TENM1: variants seen among roughly 807,000 people sequenced by gnomAD.
TENM1 encodes teneurin transmembrane protein 1, also known as teneurin-1.
A neutral mutation model predicts 174.8 loss-of-function variants in TENM1; 35 were observed. That is an observed-to-expected ratio of 0.20 (90% CI 0.15 to 0.27). The LOEUF is 0.27. TENM1 is among the 10% of genes least tolerant of loss of function. TENM1 has a pLI of 1.00. For synonymous variants in TENM1, 781 were observed against 798.7 expected, an observed-to-expected ratio of 0.98 and a Z score of 0.37; for missense variants, 1,633 against 2,130.1, an observed-to-expected ratio of 0.77 and a Z score of 4.59.
chrX:125,161,253 C>T, the TENM1 span, among the ~76,000 whole-genome samples: 2 of 111,303 alleles, frequency 1.8e-5, no homozygotes, highest in Non-Finnish European at 3.8e-5. Flanking sequence ...TACACACATC[C>T]TCTGGTACAC....
chrX:125,017,002 G>A, the TENM1 span, among the ~76,000 whole-genome samples: 1 of 111,972 alleles, frequency 8.9e-6, no homozygotes, highest in African/African-American at 3.2e-5. Flanking sequence ...GGGAAAACTG[G>A]CTAGCCATAG....
intron 3 of TENM1, among the ~76,000 whole-genome samples, chrX:124,877,616 T>C (rs2057228875): frequency 9.0e-6 from 1 of 111,701 alleles, no homozygotes; most frequent in Non-Finnish European, 1.9e-5. Flanking sequence ...GTGCATTCAA[T>C]ATTACATGCA....
chrX:124,464,498 T>C (rs773624565), intron 22 of TENM1, among the ~76,000 whole-genome samples: 37 of 112,247 alleles, frequency 3.3e-4, no homozygotes, highest in Non-Finnish European at 6.0e-4. Flanking sequence ...AAATTCTCCC[T>C]GCATCCGTAT....
chrX:124,705,449 T>C (rs2052877721), intron 4 of TENM1, among the ~76,000 whole-genome samples, 198 bp from the exon 8 acceptor site: 1 of 111,609 alleles, frequency 9.0e-6, no homozygotes, highest in Non-Finnish European at 1.9e-5. Flanking sequence ...TCTTTTTTTT[T>C]CTTTTTTCAT....
chrX:124,526,712 C>A (rs183585907), intron 16 of TENM1, among the ~76,000 whole-genome samples: 3 of 112,223 alleles, frequency 2.7e-5, no homozygotes, highest in African/African-American at 9.7e-5. Context: ...ATAAGTCCAA[C>A]CAGTCCTATC....
At chrX:124,876,016 C>T (rs2057193824) in intron 3 of TENM1, among the ~76,000 whole-genome samples, 1 of 109,242 alleles carries the variant, frequency 9.2e-6, no homozygotes, top group Admixed American at 9.9e-5. Context: ...TGATGCATGA[C>T]AGACAGTATA....
chrX:124,579,547 C>A lies in TENM1; in HGVS notation c.2078-13987G>T, dbSNP rs913631537. On this transcript the variant is annotated intron_variant, in intron 11 of 31. Transcript: ENST00000422452. ...GCTCCAAGGCAGGGATGACCTTCTC[C>A]TCTTCTATACTATTATAGAGTTTTG... is the stretch of plus-strand genomic sequence containing the variant. Among the ~76,000 whole-genome samples, 3 of 111,971 alleles carry A rather than the reference C, an allele frequency of 2.7e-5. 1 individual carries two copies. The highest frequency in any genetic ancestry group is 8.3e-3 in the Middle Eastern group (2 of 240).
chrX:124,499,237 A>C (rs1482731716), intron 19 of TENM1, among the ~76,000 whole-genome samples: 2 of 111,193 alleles, frequency 1.8e-5, no homozygotes, highest in Non-Finnish European at 3.8e-5. Context: ...GTTTTCTTCC[A>C]ACTTTGGGTA....
chrX:125,052,078 A>G, the TENM1 span, among the ~76,000 whole-genome samples: 5 of 112,469 alleles, frequency 4.4e-5, no homozygotes, highest in Non-Finnish European at 9.4e-5. Context: ...TATGCAGCCA[A>G]CAGATACATG....
chrX:125,090,083 T>C, the TENM1 span, among the ~76,000 whole-genome samples: 39 of 111,873 alleles, frequency 3.5e-4, no homozygotes, highest in African/African-American at 1.1e-3. Context: ...ATCTATGCCA[T>C]CTCTTGCTTT....
chrX:125,008,253 G>A, the TENM1 span, among the ~76,000 whole-genome samples: 1 of 90,732 alleles, frequency 1.1e-5, no homozygotes, highest in Non-Finnish European at 2.0e-5. Context: ...TAAAACAAAT[G>A]TTAAACGAAA....
intron 3 of TENM1, among the ~76,000 whole-genome samples, chrX:124,782,039 CATG>C (rs1569441937): frequency 9.0e-6 from 1 of 111,002 alleles, no homozygotes; most frequent in Non-Finnish European, 1.9e-5. Flanking sequence ...ATCTTCCACT[CATG>C]ATCTTTGCTC....
chrX:124,714,954 T>C (rs771757129), intron 4 of TENM1, among the ~76,000 whole-genome samples: 1 of 111,995 alleles, frequency 8.9e-6, no homozygotes, highest in African/African-American at 3.2e-5. Context: ...AACCCAACTT[T>C]AATTTAAAAT....
intron 11 of TENM1, among the ~76,000 whole-genome samples, chrX:124,595,099 C>A (rs761705196): frequency 8.9e-6 from 1 of 112,479 alleles, no homozygotes; most frequent in Admixed American, 9.4e-5. Flanking sequence ...TCCTCCCACT[C>A]TGTTGTCAAT....
At chrX:124,873,075 C>A (rs1415051300) in intron 3 of TENM1, among the ~76,000 whole-genome samples, 2 of 111,262 alleles carry the variant, frequency 1.8e-5, no homozygotes, top group Non-Finnish European at 3.8e-5. Flanking sequence ...GCCCTTTAAG[C>A]AGCAAGTATT....
chrX:124,804,930 CAA>C (rs1042548177), intron 3 of TENM1, among the ~76,000 whole-genome samples: 4 of 109,781 alleles, frequency 3.6e-5, no homozygotes, highest in Non-Finnish European at 7.6e-5. Flanking sequence ...ATTAAAAATA[CAA>C]AAAAAAATTG....
At chrX:125,189,165 T>C in the TENM1 span, among the ~76,000 whole-genome samples, 1 of 112,139 alleles carries the variant, frequency 8.9e-6, no homozygotes, top group Non-Finnish European at 1.9e-5. Flanking sequence ...CTGGTTCCTT[T>C]AGGAGTGTGT....
rs189106895 is a variant in TENM1 at position 124,626,118 on chromosome X, A to G, written c.2077+15673T>C. Among the ~76,000 whole-genome samples, 719 of 111,329 alleles carry G rather than the reference A, an allele frequency of 6.5e-3. 6 individuals carry two copies. Among genetic ancestry groups the G allele is most frequent in the Non-Finnish European group, 9.9e-3 (523 of 53,075 alleles). ...GCATGTCTAATACACCCCTAGGAGT[A>G]GGGGTCTACAAACTCTATAGCCAGA... On this transcript the variant is annotated intron_variant, in intron 11 of 31. Coordinates refer to ENST00000422452, the Ensembl canonical transcript of TENM1.
At chrX:125,000,566 G>T in the TENM1 span, among the ~76,000 whole-genome samples, 1 of 111,800 alleles carries the variant, frequency 8.9e-6, no homozygotes, top group African/African-American at 3.2e-5. Context: ...TTAGATTCTG[G>T]CATGAGCAGA....
Sources: allele counts gnomAD v4.1 joint callset (sites outside exome capture counted in the v4.1 genomes callset), GRCh38; gene constraint gnomAD v4.1.1; transcripts MANE v1.5; gene names NCBI Gene and HGNC (gene_info 2026-07-23, HGNC 2026-07-21).